CSMD1: variants seen among roughly 807,000 people sequenced by gnomAD.
CSMD1 encodes CUB and Sushi multiple domains 1.
A neutral mutation model predicts 417.5 loss-of-function variants in CSMD1; 213 were observed. The observed-to-expected ratio is 0.51, with a 90% CI of 0.46 to 0.57. The LOEUF is 0.57. CSMD1 is among the 20% of genes least tolerant of loss of function. The pLI is 0.00. For synonymous variants in CSMD1, 2,862 were observed against 1,736.8 expected (o/e 1.65, Z -16.11); for missense variants, 6,923 against 4,529.7 (o/e 1.53, Z -15.17).
chr8:3,787,486 A>G (rs182941221), intron 5 of CSMD1, among the ~76,000 whole-genome samples: 2 of 152,300 alleles, frequency 1.3e-5, no homozygotes, highest in East Asian at 1.9e-4. Context: ...TGATTAATCA[A>G]AAAAATGACA....
chr8:4,476,751 T>G (rs2130095201), intron 2 of CSMD1, among the ~76,000 whole-genome samples: 1 of 152,322 alleles, frequency 6.6e-6, no homozygotes, highest in African/African-American at 2.4e-5. Flanking sequence ...TACCTCCGTT[T>G]GTTCATATGT....
Position 3,348,029 on chromosome 8 carries a change from G to C in CSMD1, c.3437C>G (p.Thr1146Arg). The C allele has an allele frequency of 6.2e-7, 1 of 1,608,688 alleles. No individual in the cohort carries two copies. Among genetic ancestry groups the C allele is most frequent in the Non-Finnish European group, 8.5e-7 (1 of 1,177,188 alleles). Residue 1146 changes from threonine to arginine, a missense_variant, in exon 22 of 70, where the codon ACA becomes AGA. By Grantham distance (71) the Thr-to-Arg change is moderately conservative. Transcript: ENST00000635120. ...TCCTTCAAACAGCTGGAAGCTTCGT[G>C]TTCTAAGGTGGATGCCCTTGCCGGC... ...TEAGKGIHLRTRSFQLFEGDT... is the reference protein window; with the variant it reads ...TEAGKGIHLRRRSFQLFEGDT...
chr8:3,307,659 T>TACAAGA (rs1804982637), intron 25 of CSMD1, 36 bp downstream of exon 25: 1 of 1,602,060 alleles, frequency 6.2e-7, no homozygotes, highest in African/African-American at 1.3e-5. Context: ...GCATATCTCT[T>TACAAGA]TTCTCAAATC....
chr8:3,441,492 C>CATATATATAT lies in CSMD1; in HGVS notation c.1561+27210_1561+27219dup, dbSNP rs377759438. Among the ~76,000 whole-genome samples the CATATATATAT allele has an allele frequency of 5.3e-3, 765 of 143,912 alleles. 4 individuals are homozygous for CATATATATAT. Among genetic ancestry groups the CATATATATAT allele is most frequent in the African/African-American group, 0.011 (428 of 39,064 alleles). 94.4% of individuals were successfully genotyped at this position (143,912 alleles called of 152,430 possible). On this transcript the variant is annotated intron_variant, in intron 12 of 69. Transcript: ENST00000635120. ...TTCATTTGCTTATGGCATATAATTT[C>CATATATATAT]ATATATATATATATATATACACACA...
chr8:4,200,959 G>C (rs896897227), intron 3 of CSMD1, among the ~76,000 whole-genome samples: 1 of 152,118 alleles, frequency 6.6e-6, no homozygotes, highest in Non-Finnish European at 1.5e-5. Context: ...CTAAATGTCA[G>C]AAAGTTGTCT....
intron 5 of CSMD1, among the ~76,000 whole-genome samples, chr8:3,926,483 A>C (rs914824821): frequency 1.3e-5 from 2 of 151,206 alleles, no homozygotes; most frequent in Non-Finnish European, 3.0e-5. Flanking sequence ...GTTGCATTTC[A>C]TTAGTATTTT....
chr8:4,811,081 GA>G (rs1157303982), intron 1 of CSMD1, among the ~76,000 whole-genome samples: 3 of 152,172 alleles, frequency 2.0e-5, no homozygotes, highest in Non-Finnish European at 2.9e-5. Context: ...CCCTGTTAGA[GA>G]AAGGTATTCT....
At chr8:4,296,196 A>C (rs1043137985) in intron 3 of CSMD1, among the ~76,000 whole-genome samples, 22 of 152,064 alleles carry the variant, frequency 1.4e-4, no homozygotes, top group African/African-American at 4.6e-4. Context: ...CTTAGTCCTC[A>C]ACTCATCTCC....
At chr8:4,144,495 G>A (rs13262439) in intron 3 of CSMD1, among the ~76,000 whole-genome samples, 46,394 of 150,874 alleles carry the variant, frequency 0.31, 8,904 homozygotes, top group Non-Finnish European at 0.4. Context: ...ATCCGCTTGA[G>A]GGCTCCAGTC....
At chr8:3,523,880 C>A (rs1468977756) in intron 10 of CSMD1, among the ~76,000 whole-genome samples, 1 of 150,874 alleles carries the variant, frequency 6.6e-6, no homozygotes, top group Non-Finnish European at 1.5e-5. Context: ...CACATGCACA[C>A]ACATGCACAG....
At chr8:4,869,631 T>G (rs1802618225) in intron 1 of CSMD1, among the ~76,000 whole-genome samples, 1 of 152,058 alleles carries the variant, frequency 6.6e-6, no homozygotes, top group African/African-American at 2.4e-5. Flanking sequence ...ATGAATTTCT[T>G]CTTATATTCT....
chr8:4,077,815 G>A (rs1055094590), intron 3 of CSMD1, among the ~76,000 whole-genome samples: 1 of 152,020 alleles, frequency 6.6e-6, no homozygotes, highest in Non-Finnish European at 1.5e-5. Flanking sequence ...TGTTCCATGG[G>A]AATTTTCAGA....
chr8:3,414,133 C>T (rs1284984776), intron 12 of CSMD1, among the ~76,000 whole-genome samples: 6 of 115,422 alleles, frequency 5.2e-5, no homozygotes, highest in Non-Finnish European at 7.0e-5. Context: ...AGCGAGACTC[C>T]GTTAAAGAAA....
intron 3 of CSMD1, among the ~76,000 whole-genome samples, chr8:4,080,342 T>G (rs2554636): frequency 6.6e-6 from 1 of 151,796 alleles, no homozygotes; most frequent in Admixed American, 6.6e-5. Flanking sequence ...ACTTCACAAG[T>G]GAAAGGTGAA....
intron 2 of CSMD1, among the ~76,000 whole-genome samples, chr8:4,449,909 C>T (rs768004674): frequency 1.3e-5 from 2 of 152,218 alleles, no homozygotes; most frequent in Non-Finnish European, 2.9e-5. Flanking sequence ...TGTATAAAAC[C>T]TGGGCACCAT....
intron 6 of CSMD1, among the ~76,000 whole-genome samples, chr8:3,718,946 G>A (rs900037639): frequency 6.6e-6 from 1 of 152,140 alleles, no homozygotes; most frequent in Non-Finnish European, 1.5e-5. Context: ...AACAGAGGGA[G>A]AATAGAAGGA....
intron 1 of CSMD1, among the ~76,000 whole-genome samples, chr8:4,852,438 C>T (rs1415436284): frequency 6.6e-6 from 1 of 152,176 alleles, no homozygotes; most frequent in Non-Finnish European, 1.5e-5. Context: ...GCCCCTTTCA[C>T]TTCCAACATG....
intron 10 of CSMD1, among the ~76,000 whole-genome samples, chr8:3,514,871 CAG>C (rs1797222660): frequency 6.6e-6 from 1 of 151,888 alleles, no homozygotes; most frequent in Non-Finnish European, 1.5e-5. Context: ...TTTAAAAAAT[CAG>C]AGAAATAAAA....
At chr8:4,395,123 G>C (rs1280803949) in intron 3 of CSMD1, among the ~76,000 whole-genome samples, 6 of 152,266 alleles carry the variant, frequency 3.9e-5, no homozygotes, top group East Asian at 1.9e-4. Context: ...CCAGAGAGTG[G>C]AGCTGAAGCC....
Sources: gnomAD v4.1 joint callset for allele counts (sites outside exome capture counted in the v4.1 genomes callset) on GRCh38, gnomAD v4.1.1 for gene constraint, MANE v1.5 for transcripts, NCBI Gene and HGNC (gene_info 2026-07-23, HGNC 2026-07-21) for gene names.